Variants in STPG1 observed in about 807,000 individuals in gnomAD.
STPG1 encodes the protein O(6)-methylguanine-induced apoptosis 2.
A neutral mutation model predicts 40.1 loss-of-function variants in STPG1; 33 were observed. The ratio of observed to expected loss-of-function variants is 0.82; its 90% CI spans 0.62 to 1.10. The LOEUF is 1.10. Among genes scored for constraint, STPG1 ranks in the 50% least tolerant of loss-of-function variants. The pLI is 0.00. For missense variants in STPG1, 396 were observed against 415.1 expected (o/e 0.95, Z 0.40); for synonymous variants, 150 against 155.0 (o/e 0.97, Z 0.24).
chr1:24,374,032 C>T (rs1365167318), intron 5 of STPG1, among the ~76,000 whole-genome samples: 3 of 152,130 alleles, frequency 2.0e-5, no homozygotes, highest in African/African-American at 7.2e-5. Flanking sequence ...AAATGCTGGT[C>T]ACTCAACAAG....
chr1:24,413,685 C>A lies in STPG1; in HGVS notation c.-80G>T, dbSNP rs1643864776. 6.6e-6 allele frequency: 1 copy of A among 152,314 alleles called. No individual in the cohort carries two copies. The highest frequency in any genetic ancestry group is 2.1e-4 in the South Asian group (1 of 4,830). 9.4% of individuals were successfully genotyped at this position (152,314 alleles called of 1,614,324 possible). A position where few individuals can be genotyped will look rare whatever the true frequency, so the allele number is the denominator to read the frequency against. ...GAACTGCTTCCTACCTGGTCCGGTC[C>A]CGGCAGCTGAATCTGGCCAGCCCAA... On this transcript the variant is annotated 5_prime_UTR_variant, in exon 1 of 9. Transcript: ENST00000337248.
At position 24,391,882 on chromosome 1, in the gene STPG1, C is replaced by T. The variant is rs147211882; in HGVS notation, c.71-203G>A. 3.4e-4 allele frequency: 451 copies of T among 1,311,156 alleles called. 5 individuals carry two copies. The East Asian group carries it at 6.5e-3, about 19-fold the overall frequency. The allele number at this position is 1,311,156 out of a possible 1,614,324, so 81.2% of individuals were successfully genotyped here. A position where few individuals can be genotyped will look rare whatever the true frequency, so the allele number is the denominator to read the frequency against. On this transcript the variant is annotated intron_variant, in intron 2 of 8. Coordinates refer to ENST00000337248, the MANE Select transcript of STPG1 (RefSeq NM_001199013.2). ...TCTCGGCAATTTATCGGACTTCCCC[C>T]CTCCAGCTCTTAAATTAGTGAGATG...
At chr1:24,364,624 A>C in intron 7 of STPG1, 2 of 492,182 alleles carry the variant, frequency 4.1e-6, no homozygotes, top group Non-Finnish European at 6.3e-6. Flanking sequence ...CATGTAAAGG[A>C]GCCCAGGCAT....
intron 2 of STPG1, among the ~76,000 whole-genome samples, chr1:24,398,351 A>T (rs1357736221): frequency 1.3e-5 from 2 of 152,098 alleles, no homozygotes; most frequent in Non-Finnish European, 2.9e-5. Context: ...AATCTGATAA[A>T]AGGTGTCTAT....
chr1:24,387,722 TG>T (rs1642575797), intron 3 of STPG1, among the ~76,000 whole-genome samples: 1 of 152,082 alleles, frequency 6.6e-6, no homozygotes, highest in Admixed American at 6.5e-5. Flanking sequence ...ATGTCATGAG[TG>T]CCAGCCCAGT....
Position 24,369,685 on chromosome 1 carries a change from CT to C in STPG1, c.725del (p.Lys242ArgfsTer10). The C allele has an allele frequency of 1.3e-6, 2 of 1,591,132 alleles. No homozygotes were observed. The highest frequency in any genetic ancestry group is 1.8e-5 in the Admixed American group (1 of 56,840). On this transcript the variant is annotated frameshift_variant, in exon 7 of 9. Coordinates refer to ENST00000337248, the MANE Select transcript of STPG1 (RefSeq NM_001199013.2). LOFTEE classifies it high-confidence loss of function. Reference protein sequence around the residue: ...NPSDCTKVPKKTLFPKNPILN... With the variant: ...NPSDCTKVPKXTLFPKNPILN... ...TGATTGGGACTCACGGGAAAAGAGT[CT>C]TTTTTGGAACTTTTGTGCAATCACT...
intron 5 of STPG1, 34 bp from the exon 6 acceptor site, chr1:24,373,844 A>T (rs1641874807): frequency 6.9e-7 from 1 of 1,444,032 alleles, no homozygotes; most frequent in Admixed American, 1.7e-5. Context: ...TGTACTCAGT[A>T]CCTTTCCTTT....
chr1:24,367,550 G>A (rs925572327), intron 7 of STPG1, among the ~76,000 whole-genome samples: 4 of 152,082 alleles, frequency 2.6e-5, no homozygotes, highest in African/African-American at 9.7e-5. Flanking sequence ...ACCAAGTCTT[G>A]CTCTGTCACC....
chr1:24,373,889 A>G lies in STPG1; in HGVS notation c.463-79T>C, dbSNP rs1641878244. On this transcript the variant is annotated intron_variant, in intron 5 of 8. Coordinates refer to ENST00000337248, the MANE Select transcript of STPG1 (RefSeq NM_001199013.2). Reference sequence around the variant, plus strand: ...CGTCATCATGCCTGGACAAGTGGCAAATCTACGTAAAAAAAATCAAACCGA... The same window carrying G: ...CGTCATCATGCCTGGACAAGTGGCAGATCTACGTAAAAAAAATCAAACCGA... 5 of 1,033,810 alleles carry G rather than the reference A, an allele frequency of 4.8e-6. No homozygotes were observed. The South Asian group carries it at 7.1e-5, about 15-fold the overall frequency. 64.0% of individuals were successfully genotyped at this position (1,033,810 alleles called of 1,614,324 possible). A position where few individuals can be genotyped will look rare whatever the true frequency, so the allele number is the denominator to read the frequency against.
At chr1:24,410,054 T>G (rs1643557133) in intron 1 of STPG1, among the ~76,000 whole-genome samples, 1 of 152,216 alleles carries the variant, frequency 6.6e-6, no homozygotes, top group Non-Finnish European at 1.5e-5. Flanking sequence ...GTGCTTCACC[T>G]CAAACTATAA....
intron 8 of STPG1, 51 bp from the exon 9 acceptor site, chr1:24,358,670 T>G: frequency 7.0e-7 from 1 of 1,418,792 alleles, no homozygotes; most frequent in South Asian, 1.2e-5. Context: ...GGCCCATTGC[T>G]GCAGTCTCTG....
At chr1:24,381,793 C>T (rs1266360758) in intron 4 of STPG1, among the ~76,000 whole-genome samples, 2 of 152,144 alleles carry the variant, frequency 1.3e-5, no homozygotes. Flanking sequence ...TTAATTCCCT[C>T]TAAGTCTTGG....
In STPG1 at chr1:24,357,527, C is replaced by T. The variant is rs74060307; in HGVS notation, c.*1016G>A. 1.6e-3 allele frequency: 252 copies of T among 153,500 alleles called. No individual in the cohort carries two copies. Among genetic ancestry groups the T allele is most frequent in the African/African-American group, 5.7e-3 (235 of 41,554 alleles). 9.5% of individuals were successfully genotyped at this position (153,500 alleles called of 1,614,324 possible). ...CAGGCCTCAGTACTTTTTAAAGTCC[C>T]CAGGTGATTACAGTGTGCAGTCAAG... On this transcript the variant is annotated 3_prime_UTR_variant, in exon 9 of 9. Coordinates refer to ENST00000337248, the MANE Select transcript of STPG1 (RefSeq NM_001199013.2).
chr1:24,377,496 T>C (rs929125725), intron 5 of STPG1, among the ~76,000 whole-genome samples: 2 of 152,064 alleles, frequency 1.3e-5, no homozygotes, highest in African/African-American at 4.8e-5. Context: ...GCACATGCTC[T>C]TTCTCCAACC....
At position 24,364,275 on chromosome 1, in the gene STPG1, G is replaced by T. The variant is rs112469942; in HGVS notation, c.738-3234C>A. On this transcript the variant is annotated intron_variant, in intron 7 of 8. Transcript: ENST00000337248. ...ATCCTGTGACTCAAGTGAGGAACAT[G>T]GGTTTTGGAGATGGATTTTGGAGGC... 21 of 1,549,292 alleles carry T rather than the reference G, an allele frequency of 1.4e-5. No homozygotes were observed. The African/African-American group carries it at 2.1e-4, about 15-fold the overall frequency.
intron 5 of STPG1, among the ~76,000 whole-genome samples, chr1:24,376,649 T>G (rs1478674899): frequency 6.6e-6 from 1 of 151,980 alleles, no homozygotes; most frequent in African/African-American, 2.4e-5. Flanking sequence ...GGAAGCCGGG[T>G]GAAGGAGTAG....
chr1:24,412,821 C>G (rs1444411029), intron 1 of STPG1, among the ~76,000 whole-genome samples: 1 of 152,180 alleles, frequency 6.6e-6, no homozygotes, highest in East Asian at 1.9e-4. Flanking sequence ...CAGCTGTGCT[C>G]AGAATATATT....
At position 24,358,333 on chromosome 1, in the gene STPG1, G is replaced by A. The variant is rs557982156; in HGVS notation, c.*210C>T. 93 of 690,532 alleles carry A rather than the reference G, an allele frequency of 1.3e-4. No individual in the cohort carries two copies. In the African/African-American group the frequency reaches 1.5e-3, roughly 11 times the overall value. The allele number at this position is 690,532 out of a possible 1,614,324, so 42.8% of individuals were successfully genotyped here. On this transcript the variant is annotated 3_prime_UTR_variant, in exon 9 of 9. Transcript: ENST00000337248. ...TCAGGAAGCCACTGGAGTCTGTGGGGCTGGGGTGAAGTCTCCAGGGAGCAA... is the reference window on the plus strand; with the variant it reads ...TCAGGAAGCCACTGGAGTCTGTGGGACTGGGGTGAAGTCTCCAGGGAGCAA...
chr1:24,378,166 A>T (rs1433390997), intron 5 of STPG1, among the ~76,000 whole-genome samples: 1 of 152,132 alleles, frequency 6.6e-6, no homozygotes, highest in Non-Finnish European at 1.5e-5. Flanking sequence ...GAAGAATAAA[A>T]CACATACTGG....
Sources: gnomAD v4.1 joint callset for allele counts (sites outside exome capture counted in the v4.1 genomes callset) on GRCh38, gnomAD v4.1.1 for gene constraint, MANE v1.5 for transcripts, NCBI Gene and HGNC (gene_info 2026-07-23, HGNC 2026-07-21) for gene names.